Variants in RGS6 observed in about 807,000 individuals in gnomAD.
The protein encoded by RGS6 is regulator of G protein signaling 6.
In RGS6, 30 loss-of-function variants were observed where a neutral mutation model predicts 78.5. The ratio of observed to expected loss-of-function variants is 0.38; its 90% CI spans 0.29 to 0.52. The LOEUF is 0.52. Ranked by LOEUF, RGS6 falls within the 20% of genes least tolerant of loss-of-function variation. The pLI is 0.85. For missense variants in RGS6, 495 were observed against 609.7 expected (o/e 0.81, Z 1.98); for synonymous variants, 206 against 206.0 (o/e 1.00, Z 0.00).
chr14:72,110,970 C>G lies in RGS6; in HGVS notation c.84+146095C>G, dbSNP rs374657489. On this transcript the variant is annotated intron_variant, in intron 2 of 17. Transcript: ENST00000553525. ...TTGCACATACCAACCAACTCAGGCC[C>G]TAAAACTCTTCTTTTGTGAGGTTAC... Among the ~76,000 whole-genome samples the G allele has an allele frequency of 9.3e-4, 141 of 152,244 alleles. 3 individuals carry two copies. In the South Asian group the frequency reaches 0.029, roughly 31 times the overall value.
At chr14:72,462,597 C>T (rs1424615973) in intron 6 of RGS6, among the ~76,000 whole-genome samples, 1 of 152,166 alleles carries the variant, frequency 6.6e-6, no homozygotes, top group East Asian at 1.9e-4. Flanking sequence ...GTAGCTGCTA[C>T]GATGGTGATT....
At chr14:72,223,733 C>A (rs1178053744) in intron 2 of RGS6, among the ~76,000 whole-genome samples, 10 of 152,166 alleles carry the variant, frequency 6.6e-5, no homozygotes, top group African/African-American at 2.4e-4. Flanking sequence ...TTCAAATGAT[C>A]CAGAAGGGGG....
At chr14:71,972,769 A>G (rs1222625453) in intron 2 of RGS6, among the ~76,000 whole-genome samples, 1 of 152,190 alleles carries the variant, frequency 6.6e-6, no homozygotes, top group Non-Finnish European at 1.5e-5. Context: ...GTGGTAATAC[A>G]GATGGGAGGA....
At chr14:72,568,295 T>TTA (rs1414870458), downstream of RGS6, among the ~76,000 whole-genome samples, 1 of 152,220 alleles carries the variant, frequency 6.6e-6, no homozygotes, top group Non-Finnish European at 1.5e-5. Flanking sequence ...TCTAGAGGGC[T>TTA]TAGCCTGGGC....
intron 3 of RGS6, among the ~76,000 whole-genome samples, chr14:72,423,872 C>T (rs1226555329): frequency 1.3e-5 from 2 of 152,134 alleles, no homozygotes; most frequent in African/African-American, 4.8e-5. Context: ...ACATACAAAT[C>T]GTTAAGTCAG....
the RGS6 span, among the ~76,000 whole-genome samples, chr14:71,918,360 G>C: frequency 6.6e-6 from 1 of 152,082 alleles, no homozygotes; most frequent in East Asian, 1.9e-4. Flanking sequence ...GAAATTAAAG[G>C]CTGCATTCAC....
intron 3 of RGS6, among the ~76,000 whole-genome samples, chr14:72,380,461 T>C (rs1180713546): frequency 8.6e-6 from 1 of 115,834 alleles, no homozygotes; most frequent in Non-Finnish European, 1.7e-5. Context: ...CTCAAATATC[T>C]TGACAGCAAA....
In RGS6 at chr14:72,085,853, CAAA is replaced by C. The variant is rs35951230; in HGVS notation, c.84+120999_84+121001del. 3.6e-3 allele frequency among the ~76,000 whole-genome samples: 260 copies of C among 72,734 alleles called. 1 individual carries two copies. The highest frequency in any genetic ancestry group is 0.013 in the African/African-American group (229 of 17,776). The allele number at this position is 72,734 out of a possible 152,430, so 47.7% of individuals were successfully genotyped here. The stretch of plus-strand genomic sequence containing the variant: ...AGGGAGACAGAGTGAGACACCATCT[CAAA>C]AAAAAAAAAAAAAAAAAAAAGCCAT... On this transcript the variant is annotated intron_variant, in intron 2 of 17. Transcript: ENST00000553525.
intron 10 of RGS6, among the ~76,000 whole-genome samples, chr14:72,475,748 G>C (rs909805060): frequency 6.6e-6 from 1 of 151,634 alleles, no homozygotes; most frequent in Non-Finnish European, 1.5e-5. Context: ...ATTCCAAAGA[G>C]TGGAGATGTG....
chr14:71,869,667 C>A, the RGS6 span, among the ~76,000 whole-genome samples: 1 of 152,170 alleles, frequency 6.6e-6, no homozygotes, highest in African/African-American at 2.4e-5. Flanking sequence ...AATTAGGCAA[C>A]CTTTTTTGCT....
intron 15 of RGS6, among the ~76,000 whole-genome samples, chr14:72,520,952 G>A (rs1271814521): frequency 6.6e-6 from 1 of 152,120 alleles, no homozygotes; most frequent in African/African-American, 2.4e-5. Context: ...GTTTCTCCAA[G>A]GATCCCTGAT....
At chr14:71,983,970 A>G (rs922066272) in intron 2 of RGS6, among the ~76,000 whole-genome samples, 6 of 152,208 alleles carry the variant, frequency 3.9e-5, no homozygotes, top group East Asian at 1.9e-4. Flanking sequence ...TGTGTGGGGA[A>G]TAAAAAGTAG....
chr14:72,330,838 T>A (rs1337984157), intron 2 of RGS6, among the ~76,000 whole-genome samples: 2 of 152,164 alleles, frequency 1.3e-5, no homozygotes, highest in African/African-American at 4.8e-5. Flanking sequence ...CAGAGATTTT[T>A]TTTTTCTGAG....
intron 2 of RGS6, among the ~76,000 whole-genome samples, chr14:72,147,888 T>G (rs952321876): frequency 5.3e-5 from 8 of 152,040 alleles, no homozygotes; most frequent in African/African-American, 1.9e-4. Context: ...TCCCAGCACT[T>G]TGGGAGGCCA....
At chr14:72,616,091 GGGCCA>G in the RGS6 span, among the ~76,000 whole-genome samples, 1 of 152,100 alleles carries the variant, frequency 6.6e-6, no homozygotes, top group African/African-American at 2.4e-5. Context: ...TGCCAGACCC[GGGCCA>G]GGATCTTTAC....
chr14:72,367,127 T>C (rs993368294), intron 3 of RGS6, among the ~76,000 whole-genome samples: 2 of 152,178 alleles, frequency 1.3e-5, no homozygotes, highest in Non-Finnish European at 1.5e-5. Context: ...CTCACTACCA[T>C]TGCAAACTGT....
At chr14:72,528,309 C>G (rs1408133483) in intron 15 of RGS6, among the ~76,000 whole-genome samples, 1 of 152,174 alleles carries the variant, frequency 6.6e-6, no homozygotes, top group Non-Finnish European at 1.5e-5. Context: ...GGTTTTGATC[C>G]TGCCTTAGCA....
In RGS6 at chr14:72,156,653, G is replaced by A. The variant is rs531381225; in HGVS notation, c.84+191778G>A. ...AGAGTTAGATTGATGGCAAAGATTG[G>A]GCAGATTGATAGTTCTCTAGCAAAT... On this transcript the variant is annotated intron_variant, in intron 2 of 17. Transcript: ENST00000553525. Among the ~76,000 whole-genome samples the A allele has an allele frequency of 7.2e-5, 11 of 152,236 alleles. No individual in the cohort carries two copies. The East Asian group carries it at 1.9e-3, about 27-fold the overall frequency.
intron 3 of RGS6, among the ~76,000 whole-genome samples, chr14:72,363,529 C>T (rs1361147711): frequency 2.0e-5 from 3 of 152,116 alleles, no homozygotes; most frequent in Non-Finnish European, 4.4e-5. Flanking sequence ...CTGGGCCACC[C>T]GTGTAAGGAT....
Sources: gnomAD v4.1 joint callset for allele counts (sites outside exome capture counted in the v4.1 genomes callset) on GRCh38, gnomAD v4.1.1 for gene constraint, MANE v1.5 for transcripts, NCBI Gene and HGNC (gene_info 2026-07-23, HGNC 2026-07-21) for gene names.